The following OCA2 variants were observed in gnomAD, a reference collection of about 807,000 sequenced individuals.
OCA2 encodes P protein.
A neutral mutation model predicts 100.2 loss-of-function variants in OCA2; 77 were observed. The ratio of observed to expected loss-of-function variants is 0.77; its 90% CI spans 0.64 to 0.93. The LOEUF is 0.93. Ranked by LOEUF, OCA2 falls within the 40% of genes least tolerant of loss-of-function variation. The pLI is 0.00. For synonymous variants in OCA2, 432 were observed against 439.2 expected, an observed-to-expected ratio of 0.98 and a Z score of 0.21; for missense variants, 1,062 against 1,089.1, an observed-to-expected ratio of 0.98 and a Z score of 0.35.
chr15:27,783,444 C>T lies in OCA2; in HGVS notation c.2433-27972G>A, dbSNP rs563178000. Among the ~76,000 whole-genome samples the T allele has an allele frequency of 4.4e-4, 67 of 152,298 alleles. No homozygotes were observed. In the Middle Eastern group the frequency reaches 0.01, roughly 23 times the overall value. On this transcript the variant is annotated intron_variant, in intron 23 of 23. Transcript: ENST00000354638. ...CAATTTTGTAATAAAAAAAAGTCCA[C>T]ACAAACTGCAAATTAAAAACTTTTC...
chr15:27,753,316 G>A (rs2030137646), downstream of OCA2, among the ~76,000 whole-genome samples: 1 of 151,828 alleles, frequency 6.6e-6, no homozygotes, highest in South Asian at 2.1e-4. Flanking sequence ...TAACACGGAG[G>A]GGAGTGGGAG....
At chr15:28,084,672 G>A (rs1341016332) in intron 1 of OCA2, among the ~76,000 whole-genome samples, 1 of 152,162 alleles carries the variant, frequency 6.6e-6, no homozygotes, top group South Asian at 2.1e-4. Context: ...CTGCTGCCAA[G>A]GTCACTCAGT....
intron 23 of OCA2, among the ~76,000 whole-genome samples, chr15:27,826,820 C>T (rs551635069): frequency 4.6e-5 from 7 of 152,376 alleles, no homozygotes; most frequent in Admixed American, 6.5e-5. Flanking sequence ...CACCGGAGTG[C>T]GGGACTGGGT....
the OCA2 span, among the ~76,000 whole-genome samples, chr15:27,736,504 T>C: frequency 6.6e-6 from 1 of 152,320 alleles, no homozygotes; most frequent in African/African-American, 2.4e-5. Flanking sequence ...TTTTCAGTAG[T>C]CTCTTGGGGC....
At chr15:27,740,748 C>T in the OCA2 span, among the ~76,000 whole-genome samples, 1 of 152,160 alleles carries the variant, frequency 6.6e-6, no homozygotes, top group Non-Finnish European at 1.5e-5. Flanking sequence ...CTCTGCTCCC[C>T]GTGTACCAGC....
At chr15:28,042,126 C>G (rs1417259226) in intron 2 of OCA2, among the ~76,000 whole-genome samples, 2 of 147,304 alleles carry the variant, frequency 1.4e-5, no homozygotes, top group Non-Finnish European at 3.0e-5. Context: ...ATATTACATG[C>G]TATTTTTAAA....
chr15:28,078,111 C>T (rs933797371), intron 2 of OCA2, among the ~76,000 whole-genome samples: 3 of 152,224 alleles, frequency 2.0e-5, no homozygotes, highest in East Asian at 3.9e-4. Context: ...ATGCATTCCA[C>T]GGACACAATC....
At chr15:27,768,214 C>T (rs928181542) in intron 23 of OCA2, among the ~76,000 whole-genome samples, 10 of 152,226 alleles carry the variant, frequency 6.6e-5, no homozygotes, top group African/African-American at 2.4e-4. Context: ...GACCATCTCA[C>T]ACTGCAGCCT....
At chr15:28,014,742 C>T (rs774262646) in intron 9 of OCA2, 34 bp downstream of exon 9, 1 of 1,606,004 alleles carries the variant, frequency 6.2e-7, no homozygotes. Context: ...GACTGTGGGC[C>T]CAGACAGATC....
chr15:27,818,087 T>G (rs1265660621), intron 23 of OCA2, among the ~76,000 whole-genome samples: 1 of 152,232 alleles, frequency 6.6e-6, no homozygotes, highest in African/African-American at 2.4e-5. Context: ...GGTACTAGAA[T>G]ACTTTTTAAA....
chr15:27,767,647 T>A (rs1410589009), intron 23 of OCA2, among the ~76,000 whole-genome samples: 2 of 151,708 alleles, frequency 1.3e-5, no homozygotes, highest in African/African-American at 4.9e-5. Flanking sequence ...GCACTCTGTG[T>A]CTAGCTAAGG....
chr15:27,900,297 C>T (rs576079227), intron 19 of OCA2, among the ~76,000 whole-genome samples: 5 of 152,202 alleles, frequency 3.3e-5, no homozygotes, highest in Non-Finnish European at 7.4e-5. Context: ...CTACTGCGCA[C>T]ATGCACCCAG....
Position 27,851,557 on chromosome 15 carries a change from AAT to A in OCA2, c.2245-84_2245-83del, listed in dbSNP as rs1320207317. 3.6e-6 allele frequency: 4 copies of A among 1,107,016 alleles called. No individual in the cohort carries two copies. The African/African-American group carries it at 6.2e-5, about 17-fold the overall frequency. The allele number at this position is 1,107,016 out of a possible 1,614,324, so 68.6% of individuals were successfully genotyped here. A position where few individuals can be genotyped will look rare whatever the true frequency, so the allele number is the denominator to read the frequency against. Reference sequence around the variant, plus strand: ...TACTGTGACCAATTTAGAAAATCCAAATGCTTTCTCAGCATTCAAACTCTAAG... The same window carrying A: ...TACTGTGACCAATTTAGAAAATCCAAGCTTTCTCAGCATTCAAACTCTAAG... On this transcript the variant is annotated intron_variant, in intron 21 of 23. Coordinates refer to ENST00000354638, the MANE Select transcript of OCA2 (RefSeq NM_000275.3).
At position 27,955,055 on chromosome 15, in the gene OCA2, A is replaced by C. The variant is rs2040173474; in HGVS notation, c.1842+103T>G. On this transcript the variant is annotated intron_variant, in intron 17 of 23. Coordinates refer to ENST00000354638, the MANE Select transcript of OCA2 (RefSeq NM_000275.3). ...CGTCTTGTGTATAACCACAGAAATA[A>C]AAAGAGAAACGGCATTCAGTCACGT... 7 of 877,716 alleles carry C rather than the reference A, an allele frequency of 8.0e-6. No individual in the cohort carries two copies. The Admixed American group carries it at 1.2e-4, about 15-fold the overall frequency. The allele number at this position is 877,716 out of a possible 1,614,324, so 54.4% of individuals were successfully genotyped here. A position where few individuals can be genotyped will look rare whatever the true frequency, so the allele number is the denominator to read the frequency against.
chr15:27,873,742 A>G (rs2036676969), intron 19 of OCA2, among the ~76,000 whole-genome samples: 1 of 152,234 alleles, frequency 6.6e-6, no homozygotes, highest in African/African-American at 2.4e-5. Flanking sequence ...TGAATATTGC[A>G]CCTAATAACT....
chr15:27,835,274 G>A (rs28636453), intron 23 of OCA2, among the ~76,000 whole-genome samples: 64,634 of 152,028 alleles, frequency 0.43, 14,096 homozygotes, highest in South Asian at 0.57. Flanking sequence ...TCCCAAATTC[G>A]CCAGCACTAA....
intron 19 of OCA2, among the ~76,000 whole-genome samples, chr15:27,880,616 A>G (rs1187269002): frequency 6.6e-6 from 1 of 152,040 alleles, no homozygotes; most frequent in Non-Finnish European, 1.5e-5. Context: ...TTCTCTTTGT[A>G]GCAATTGTGA....
the OCA2 span, among the ~76,000 whole-genome samples, chr15:27,723,143 CCT>C: frequency 1.3e-5 from 2 of 151,942 alleles, no homozygotes; most frequent in South Asian, 2.1e-4. Flanking sequence ...GCGCCTGGCC[CCT>C]GTTTTATATT....
At chr15:28,070,556 G>A (rs1464702625) in intron 2 of OCA2, among the ~76,000 whole-genome samples, 16 of 143,896 alleles carry the variant, frequency 1.1e-4, no homozygotes, top group East Asian at 2.1e-4. Flanking sequence ...TCAGCCCTCC[G>A]CCCGGCCAGC....
Sources: allele counts gnomAD v4.1 joint callset (sites outside exome capture counted in the v4.1 genomes callset), GRCh38; gene constraint gnomAD v4.1.1; transcripts MANE v1.5; gene names NCBI Gene and HGNC (gene_info 2026-07-23, HGNC 2026-07-21).